Variants in CNTN4 observed in about 807,000 individuals in gnomAD.
CNTN4 encodes the protein contactin-4.
CNTN4 carries 77 observed loss-of-function variants against 122.5 expected under a neutral mutation model. That is an observed-to-expected ratio of 0.63 (90% CI 0.52 to 0.76). The LOEUF (loss-of-function observed/expected upper bound fraction) is 0.76. CNTN4 is among the 30% of genes least tolerant of loss of function. The pLI is 0.00. For synonymous variants in CNTN4, 512 were observed against 447.0 expected, an observed-to-expected ratio of 1.15 and a Z score of -1.83; for missense variants, 1,256 against 1,259.1, an observed-to-expected ratio of 1.00 and a Z score of 0.04.
At chr3:2,631,629 G>GTT (rs35221791) in intron 4 of CNTN4, among the ~76,000 whole-genome samples, 13 of 147,384 alleles carry the variant, frequency 8.8e-5, no homozygotes, top group South Asian at 6.4e-4. Flanking sequence ...TAATTTTAAA[G>GTT]TTTTTTTTTT....
At chr3:2,712,188 T>C (rs9837487) in intron 4 of CNTN4, among the ~76,000 whole-genome samples, 27,040 of 152,158 alleles carry the variant, frequency 0.18, 2,476 homozygotes, top group Middle Eastern at 0.21. Context: ...ATTTTTATAG[T>C]TGAATTGCAA....
chr3:2,927,274 A>C (rs1170282920), intron 13 of CNTN4: 7 of 455,234 alleles, frequency 1.5e-5, no homozygotes, highest in Non-Finnish European at 2.6e-5. Flanking sequence ...TAACAACAAA[A>C]GGCAATTTCT....
intron 13 of CNTN4, among the ~76,000 whole-genome samples, chr3:2,950,133 A>G (rs1194516604): frequency 6.6e-6 from 1 of 152,194 alleles, no homozygotes; most frequent in Admixed American, 6.5e-5. Flanking sequence ...ACTTGCAGAG[A>G]CTCATGGAAT....
At chr3:2,771,476 C>G (rs1353713065) in intron 6 of CNTN4, among the ~76,000 whole-genome samples, 2 of 152,190 alleles carry the variant, frequency 1.3e-5, no homozygotes, top group African/African-American at 4.8e-5. Context: ...ACATATCACT[C>G]CAATATGTGA....
At chr3:2,552,752 C>T (rs988027614) in intron 3 of CNTN4, among the ~76,000 whole-genome samples, 1 of 151,990 alleles carries the variant, frequency 6.6e-6, no homozygotes, top group South Asian at 2.1e-4. Flanking sequence ...GCTATGCAGG[C>T]AGTATAATAT....
At chr3:2,260,719 AT>A (rs1460881061) in intron 2 of CNTN4, among the ~76,000 whole-genome samples, 4 of 134,852 alleles carry the variant, frequency 3.0e-5, no homozygotes, top group Non-Finnish European at 6.2e-5. Flanking sequence ...TTTTCTTTTT[AT>A]TTTATTTATT....
At chr3:2,308,078 T>C (rs2042784706) in intron 2 of CNTN4, among the ~76,000 whole-genome samples, 1 of 152,172 alleles carries the variant, frequency 6.6e-6, no homozygotes, top group African/African-American at 2.4e-5. Context: ...TTTACTTTCC[T>C]TGACACAGGG....
intron 2 of CNTN4, among the ~76,000 whole-genome samples, chr3:2,219,427 C>G (rs2038974442): frequency 6.6e-6 from 1 of 151,936 alleles, no homozygotes; most frequent in Non-Finnish European, 1.5e-5. Context: ...ATTAGTATAC[C>G]TTTCAGTGTT....
chr3:2,588,382 T>G (rs571469762), intron 4 of CNTN4, among the ~76,000 whole-genome samples: 1 of 152,260 alleles, frequency 6.6e-6, no homozygotes, highest in East Asian at 1.9e-4. Context: ...TTGTTTGTTT[T>G]TTGAGACAGA....
intron 3 of CNTN4, among the ~76,000 whole-genome samples, chr3:2,416,805 A>C (rs894643583): frequency 2.6e-5 from 4 of 151,896 alleles, no homozygotes; most frequent in Admixed American, 2.0e-4. Context: ...AGGCGCCTGC[A>C]ACCTCGCCCG....
chr3:2,691,009 TGAGAAACTG>T (rs2085708952), intron 4 of CNTN4, among the ~76,000 whole-genome samples: 1 of 152,188 alleles, frequency 6.6e-6, no homozygotes, highest in Non-Finnish European at 1.5e-5. Context: ...GAAGACCACG[TGAGAAACTG>T]CTTCATCACA....
chr3:2,440,557 G>T (rs546177965), intron 3 of CNTN4, among the ~76,000 whole-genome samples: 4 of 151,976 alleles, frequency 2.6e-5, no homozygotes, highest in East Asian at 3.9e-4. Flanking sequence ...AACTGATGTC[G>T]TGTGAGTGTA....
chr3:2,702,053 G>C (rs950991006), intron 4 of CNTN4, among the ~76,000 whole-genome samples: 1 of 152,162 alleles, frequency 6.6e-6, no homozygotes, highest in East Asian at 1.9e-4. Flanking sequence ...GCATTCTCAG[G>C]AAAACCTGGC....
At chr3:2,172,230 A>C (rs558160701) in intron 2 of CNTN4, among the ~76,000 whole-genome samples, 12 of 152,362 alleles carry the variant, frequency 7.9e-5, no homozygotes, top group African/African-American at 2.6e-4. Flanking sequence ...CATAAAAAAA[A>C]ACGAAATAAT....
intron 3 of CNTN4, among the ~76,000 whole-genome samples, chr3:2,548,116 T>A (rs2078323951): frequency 6.6e-6 from 1 of 152,156 alleles, no homozygotes; most frequent in Non-Finnish European, 1.5e-5. Flanking sequence ...TTTCTCCCAT[T>A]CTGTAGGTTG....
At chr3:2,572,402 A>G (rs889189929) in intron 4 of CNTN4, among the ~76,000 whole-genome samples, 2 of 152,126 alleles carry the variant, frequency 1.3e-5, no homozygotes, top group African/African-American at 4.8e-5. Context: ...ATAAAAAAAG[A>G]AAAGAAAAGA....
At position 2,668,184 on chromosome 3, in the gene CNTN4, G is replaced by A. The variant is rs2084284043; in HGVS notation, c.56-68031G>A. On this transcript the variant is annotated intron_variant, in intron 4 of 24. Coordinates refer to ENST00000418658, the MANE Select transcript of CNTN4 (RefSeq NM_175607.3). ...TGGAATCTATAAATTACCTTGGGCA[G>A]TATGACCATTTTCACAATATTGATT... Among the ~76,000 whole-genome samples, 3 of 152,186 alleles carry A rather than the reference G, an allele frequency of 2.0e-5. No homozygotes were observed. The South Asian group carries it at 6.2e-4, about 31-fold the overall frequency.
rs1373817502 is a variant in CNTN4 at position 2,785,146 on chromosome 3, T to TATATAG, written c.359-34339_359-34338insTATAGA. Among the ~76,000 whole-genome samples the TATATAG allele has an allele frequency of 4.6e-5, 7 of 151,036 alleles. No homozygotes were observed. The South Asian group carries it at 1.3e-3, about 27-fold the overall frequency. On this transcript the variant is annotated intron_variant, in intron 6 of 24. Coordinates refer to ENST00000418658, the MANE Select transcript of CNTN4 (RefSeq NM_175607.3). ...ACACACACACACACACACATATATA[T>TATATAG]AGAGAGAGAGAGAGAGAGAGAGATT...
chr3:2,780,068 CAT>C (rs1417637903), intron 6 of CNTN4, among the ~76,000 whole-genome samples: 1 of 152,152 alleles, frequency 6.6e-6, no homozygotes, highest in African/African-American at 2.4e-5. Flanking sequence ...TAATGGGCAA[CAT>C]GTGATCAAAG....
Sources: allele counts gnomAD v4.1 joint callset (sites outside exome capture counted in the v4.1 genomes callset), GRCh38; gene constraint gnomAD v4.1.1; transcripts MANE v1.5; gene names NCBI Gene and HGNC (gene_info 2026-07-23, HGNC 2026-07-21).